Variants in LRBA observed in about 807,000 individuals in gnomAD.
The protein encoded by LRBA is lipopolysaccharide-responsive and beige-like anchor protein.
LRBA carries 176 observed loss-of-function variants against 330.0 expected under a neutral mutation model. That is an observed-to-expected ratio of 0.53 (90% CI 0.47 to 0.60). The LOEUF is 0.60. Among genes scored for constraint, LRBA ranks in the 20% least tolerant of loss-of-function variants. The pLI is 0.00. For missense variants in LRBA, 3,259 were observed against 3,444.8 expected (o/e 0.95, Z 1.35); for synonymous variants, 1,230 against 1,193.0 (o/e 1.03, Z -0.64).
intron 26 of LRBA, among the ~76,000 whole-genome samples, chr4:150,846,108 A>G (rs959733574): frequency 1.3e-5 from 2 of 152,198 alleles, no homozygotes; most frequent in Non-Finnish European, 2.9e-5. Flanking sequence ...GCAGCAATAT[A>G]GATGGAACTG....
chr4:150,480,097 C>T (rs1014391996), intron 42 of LRBA, among the ~76,000 whole-genome samples: 2 of 152,188 alleles, frequency 1.3e-5, no homozygotes, highest in Non-Finnish European at 2.9e-5. Flanking sequence ...CCAGTGTTCG[C>T]TCTTTCCAGT....
intron 2 of LRBA, among the ~76,000 whole-genome samples, chr4:151,005,506 C>G (rs1311745033): frequency 7.3e-6 from 1 of 137,906 alleles, no homozygotes; most frequent in African/African-American, 2.7e-5. Flanking sequence ...TGAATGAATA[C>G]TAGAAAACTA....
At chr4:150,265,835 G>C in intron 56 of LRBA, 23 bp from the exon 57 acceptor site, 1 of 1,467,620 alleles carries the variant, frequency 6.8e-7, no homozygotes, top group Non-Finnish European at 9.6e-7. Context: ...CAGAGAGAAG[G>C]ACTTTTACAA....
chr4:150,372,428 G>T (rs1004709172), intron 47 of LRBA, among the ~76,000 whole-genome samples: 1 of 151,606 alleles, frequency 6.6e-6, no homozygotes, highest in Non-Finnish European at 1.5e-5. Flanking sequence ...TGAGCAACAT[G>T]GCGAAACACC....
intron 33 of LRBA, among the ~76,000 whole-genome samples, chr4:150,805,431 A>AG (rs1742521712): frequency 8.7e-6 from 1 of 115,476 alleles, no homozygotes; most frequent in Non-Finnish European, 1.8e-5. Context: ...AGGAAAGGAA[A>AG]GGAAAGGAAG....
At chr4:150,785,774 C>T (rs62346343) in intron 34 of LRBA, among the ~76,000 whole-genome samples, 20,443 of 152,070 alleles carry the variant, frequency 0.13, 1,961 homozygotes, top group Non-Finnish European at 0.2. Flanking sequence ...TTCTCAACTA[C>T]GGTAAAACAG....
At chr4:150,885,320 A>T (rs1728835053) in intron 17 of LRBA, among the ~76,000 whole-genome samples, 1 of 152,134 alleles carries the variant, frequency 6.6e-6, no homozygotes, top group Admixed American at 6.5e-5. Flanking sequence ...CCGAAGTGAA[A>T]GTAACAAAGT....
intron 40 of LRBA, among the ~76,000 whole-genome samples, chr4:150,528,281 C>T (rs959439887): frequency 2.6e-5 from 4 of 151,942 alleles, no homozygotes; most frequent in East Asian, 3.9e-4. Context: ...AGGTGGATCA[C>T]GAGGTCAGGA....
chr4:150,742,128 T>C (rs866154906), intron 35 of LRBA, among the ~76,000 whole-genome samples: 1 of 126,116 alleles, frequency 7.9e-6, no homozygotes, highest in Non-Finnish European at 1.6e-5. Context: ...TTATTATTAT[T>C]ATCATTATTA....
chr4:150,713,455 C>T (rs1482275310), intron 36 of LRBA, among the ~76,000 whole-genome samples: 2 of 152,068 alleles, frequency 1.3e-5, no homozygotes, highest in African/African-American at 2.4e-5. Context: ...TTCAGGAACT[C>T]GGAAAAATCA....
At chr4:150,471,802 T>C (rs933335036) in intron 42 of LRBA, 63 bp from the exon 43 acceptor site, 3 of 810,880 alleles carry the variant, frequency 3.7e-6, no homozygotes, top group Admixed American at 2.1e-5. Flanking sequence ...TCATGAATTA[T>C]CTGTGCTTAT....
At chr4:150,490,752 G>A (rs1348722565) in intron 41 of LRBA, among the ~76,000 whole-genome samples, 166 bp downstream of exon 41, 2 of 151,884 alleles carry the variant, frequency 1.3e-5, no homozygotes, top group East Asian at 3.8e-4. Flanking sequence ...AATAATCAAG[G>A]TGGGAAAAAA....
chr4:150,908,342 C>A lies in LRBA; in HGVS notation c.1485G>T (p.Leu495Phe). ...CAAATAAAGGCACTCACCATATAGT[C>A]AAATCAATCTCATCAGACAAATATT... ...YRQYLSDEID[L>F]TICSTLLAFI... The change falls in exon 11 of 57, where the codon TTG becomes TTT. Residue 495 changes from leucine (L) to phenylalanine (F), a missense_variant. Leu to Phe is a conservative substitution (Grantham distance 22). Transcript: ENST00000651943. 6.2e-7 allele frequency: 1 copy of A among 1,607,122 alleles called. No individual in the cohort carries two copies. The highest frequency in any genetic ancestry group is 8.5e-7 in the Non-Finnish European group (1 of 1,178,602).
At chr4:150,948,429 T>G (rs1285316581) in intron 2 of LRBA, among the ~76,000 whole-genome samples, 1 of 152,044 alleles carries the variant, frequency 6.6e-6, no homozygotes, top group African/African-American at 2.4e-5. Flanking sequence ...AATGAACTTT[T>G]CTTTACCTAA....
intron 42 of LRBA, among the ~76,000 whole-genome samples, chr4:150,483,078 TCTC>T (rs1261483821): frequency 1.3e-5 from 2 of 152,116 alleles, no homozygotes; most frequent in African/African-American, 4.8e-5. Context: ...CAAAGATTTT[TCTC>T]CTATGTGTTC....
At chr4:150,295,124 A>C (rs927605272) in intron 53 of LRBA, among the ~76,000 whole-genome samples, 1 of 151,422 alleles carries the variant, frequency 6.6e-6, no homozygotes, top group African/African-American at 2.4e-5. Context: ...AATATTTGGC[A>C]GCCTAGAGGC....
intron 56 of LRBA, among the ~76,000 whole-genome samples, chr4:150,269,729 G>GT (rs1745819162): frequency 6.6e-6 from 1 of 152,082 alleles, no homozygotes; most frequent in Admixed American, 6.6e-5. Context: ...AGGATTGTTT[G>GT]TTTGAGCCCA....
rs373049835 is a variant in LRBA, at chr4:150,828,405, T to A, written c.4946A>T (p.Asn1649Ile). Reference sequence around the variant, plus strand: ...ATCATTTTTGGTTTCCGGAGACTTATTGACTTCTAAAGAAAGAGTAGATAG... The same window carrying A: ...ATCATTTTTGGTTTCCGGAGACTTAATGACTTCTAAAGAAAGAGTAGATAG... ...EVLSTLSLEV[N>I]KSPETKNDRG... Residue 1649 changes from asparagine to isoleucine, a missense_variant, in exon 30 of 57, where the codon AAT becomes ATT. Coordinates refer to ENST00000651943, the MANE Select transcript of LRBA (RefSeq NM_001364905.1). 1 of 1,613,992 alleles carries A rather than the reference T, an allele frequency of 6.2e-7. No individual in the cohort carries two copies. The highest frequency in any genetic ancestry group is 8.5e-7 in the Non-Finnish European group (1 of 1,179,996).
chr4:150,637,857 C>T (rs919966360), intron 37 of LRBA, among the ~76,000 whole-genome samples: 2 of 152,090 alleles, frequency 1.3e-5, no homozygotes, highest in Admixed American at 6.6e-5. Flanking sequence ...ATAATAAGTG[C>T]ATGACGTGTT....
Sources: allele counts gnomAD v4.1 joint callset (sites outside exome capture counted in the v4.1 genomes callset), GRCh38; gene constraint gnomAD v4.1.1; transcripts MANE v1.5; gene names NCBI Gene and HGNC (gene_info 2026-07-23, HGNC 2026-07-21).